Variants in PPA1 observed in about 807,000 individuals in gnomAD.
The protein encoded by PPA1 is inorganic pyrophosphatase.
Under a neutral mutation model 41.8 loss-of-function variants are expected in PPA1, and 23 were observed. That is an observed-to-expected ratio of 0.55 (90% CI 0.40 to 0.78). The LOEUF (loss-of-function observed/expected upper bound fraction) is 0.78. Among genes scored for constraint, PPA1 ranks in the 30% least tolerant of loss-of-function variants. The pLI, the probability that PPA1 is intolerant of heterozygous loss-of-function variation, is 0.00. For missense variants in PPA1, 320 were observed against 361.6 expected (o/e 0.89, Z 0.93); for synonymous variants, 101 against 116.8 (o/e 0.86, Z 0.87).
At chr10:70,222,097 A>AG (rs1452143128) in intron 2 of PPA1, among the ~76,000 whole-genome samples, 1 of 151,978 alleles carries the variant, frequency 6.6e-6, no homozygotes, top group African/African-American at 2.4e-5. Context: ...GCACTTTGGG[A>AG]GGCCGAGGTG....
intron 6 of PPA1, among the ~76,000 whole-genome samples, chr10:70,212,670 G>A (rs1840034104): frequency 6.6e-6 from 1 of 152,198 alleles, no homozygotes; most frequent in Admixed American, 6.5e-5. Flanking sequence ...ACAAAAAGCA[G>A]ATTAGTGGCT....
chr10:70,206,117 C>T (rs1815573623), intron 9 of PPA1, 147 bp downstream of exon 9: 1 of 640,522 alleles, frequency 1.6e-6, no homozygotes, highest in African/African-American at 1.8e-5. Context: ...TGCATGTGTT[C>T]ATGGTTTCTA....
intron 2 of PPA1, among the ~76,000 whole-genome samples, chr10:70,229,840 T>C (rs1840269185): frequency 6.6e-6 from 1 of 152,130 alleles, no homozygotes; most frequent in Non-Finnish European, 1.5e-5. Context: ...TTACTCCTCC[T>C]CTCCTTCCCC....
intron 7 of PPA1, 82 bp from the exon 8 acceptor site, chr10:70,209,372 T>G: frequency 7.5e-7 from 1 of 1,331,498 alleles, no homozygotes; most frequent in Non-Finnish European, 1.0e-6. Flanking sequence ...GCCTGATACT[T>G]TGTCTCTTCT....
chr10:70,211,132 T>C (rs968004908), intron 6 of PPA1, among the ~76,000 whole-genome samples: 23 of 152,220 alleles, frequency 1.5e-4, no homozygotes, highest in Non-Finnish European at 2.8e-4. Flanking sequence ...ACTAAAAGTA[T>C]GGAAACTTTA....
At chr10:70,209,517 T>A in intron 7 of PPA1, 41 bp downstream of exon 7, 2 of 1,558,164 alleles carry the variant, frequency 1.3e-6, no homozygotes, top group South Asian at 2.4e-5. Flanking sequence ...TGAGTCTCAA[T>A]ACAAATGAGC....
rs568161262 is a variant in PPA1 at position 70,224,684 on chromosome 10, C to T, written c.123+5657G>A. On this transcript the variant is annotated intron_variant, in intron 2 of 10. Transcript: ENST00000373232. Reference sequence around the variant, plus strand: ...ATTACAGCACGTCTTTAAATCCTAGCAGTTAAGTTCAATGTGTCTTTATTG... The same window carrying T: ...ATTACAGCACGTCTTTAAATCCTAGTAGTTAAGTTCAATGTGTCTTTATTG... 5.7e-4 allele frequency among the ~76,000 whole-genome samples: 87 copies of T among 152,214 alleles called. 2 individuals carry two copies. Among genetic ancestry groups the T allele is most frequent in the African/African-American group, 1.8e-3 (74 of 41,534 alleles).
At chr10:70,213,253 A>C (rs1840042484) in intron 6 of PPA1, among the ~76,000 whole-genome samples, 1 of 152,206 alleles carries the variant, frequency 6.6e-6, no homozygotes, top group South Asian at 2.1e-4. Flanking sequence ...AACAGTAAGA[A>C]CCTACCAGAT....
At chr10:70,226,673 CTT>C (rs746038689) in intron 2 of PPA1, among the ~76,000 whole-genome samples, 12 of 152,076 alleles carry the variant, frequency 7.9e-5, no homozygotes, top group Non-Finnish European at 1.5e-4. Context: ...ATTTTCCTGT[CTT>C]TACAAAATCA....
At chr10:70,230,617 G>A (rs1014291009) in intron 1 of PPA1, among the ~76,000 whole-genome samples, 1 of 152,056 alleles carries the variant, frequency 6.6e-6, no homozygotes, top group African/African-American at 2.4e-5. Flanking sequence ...ACAGGCATGA[G>A]CCACTACGTC....
chr10:70,211,555 A>G (rs1840019893), intron 6 of PPA1, among the ~76,000 whole-genome samples: 2 of 152,220 alleles, frequency 1.3e-5, no homozygotes, highest in African/African-American at 2.4e-5. Flanking sequence ...CAACTCAGGG[A>G]CAGCAAATGG....
At chr10:70,205,530 T>C (rs1363900586) in intron 9 of PPA1, 2 of 152,082 alleles carry the variant, frequency 1.3e-5, no homozygotes, top group Non-Finnish European at 2.9e-5. Flanking sequence ...CACTGAAAAA[T>C]TATAATAGTT....
At position 70,233,377 on chromosome 10, in the gene PPA1, G is replaced by C; in HGVS notation, c.-50C>G. 1 of 1,526,322 alleles carries C rather than the reference G, an allele frequency of 6.6e-7. No homozygotes were observed. Among genetic ancestry groups the C allele is most frequent in the South Asian group, 1.2e-5 (1 of 82,018 alleles). 94.5% of individuals were successfully genotyped at this position (1,526,322 alleles called of 1,614,324 possible). ...CTGCCACAGAGCCACCAGCCCGCAC[G>C]CGGCGCCGACTGACAAGGAGAGAGC... On this transcript the variant is annotated 5_prime_UTR_variant, in exon 1 of 11. Coordinates refer to ENST00000373232, the MANE Select transcript of PPA1 (RefSeq NM_021129.4).
chr10:70,232,977 A>G (rs1840305164), intron 1 of PPA1, among the ~76,000 whole-genome samples: 1 of 152,128 alleles, frequency 6.6e-6, no homozygotes, highest in Non-Finnish European at 1.5e-5. Flanking sequence ...ACCCTGTCAG[A>G]GCCAGACACC....
chr10:70,224,997 T>C (rs865849409), intron 2 of PPA1, among the ~76,000 whole-genome samples: 39 of 152,286 alleles, frequency 2.6e-4, no homozygotes, highest in South Asian at 6.2e-4. Context: ...CCCCAAAGTG[T>C]TGGGATTACA....
rs987075163 is a variant in PPA1, at chr10:70,203,014, T to C, written c.*141A>G. ...CTTTAGATGGATAACATTCTGAGTATATTGGATTAGTCACAGCAGAATTTA... is the reference window on the plus strand; with the variant it reads ...CTTTAGATGGATAACATTCTGAGTACATTGGATTAGTCACAGCAGAATTTA... On this transcript the variant is annotated 3_prime_UTR_variant, in exon 11 of 11. Coordinates refer to ENST00000373232, the MANE Select transcript of PPA1 (RefSeq NM_021129.4). 9 of 800,784 alleles carry C rather than the reference T, an allele frequency of 1.1e-5. No homozygotes were observed. Among genetic ancestry groups the C allele is most frequent in the African/African-American group, 3.5e-5 (2 of 57,956 alleles). The allele number at this position is 800,784 out of a possible 1,614,324, so 49.6% of individuals were successfully genotyped here. A position where few individuals can be genotyped will look rare whatever the true frequency, so the allele number is the denominator to read the frequency against.
chr10:70,208,075 A>G (rs1839968179), intron 8 of PPA1, among the ~76,000 whole-genome samples: 1 of 152,162 alleles, frequency 6.6e-6, no homozygotes, highest in Non-Finnish European at 1.5e-5. Flanking sequence ...CTGTAATCCC[A>G]GCTACTCAGG....
intron 5 of PPA1, 146 bp from the exon 6 acceptor site, chr10:70,213,735 A>C: frequency 4.3e-6 from 4 of 927,236 alleles, no homozygotes; most frequent in Non-Finnish European, 4.7e-6. Flanking sequence ...TTAAAAACCT[A>C]AATGAGTAAA....
At position 70,226,883 on chromosome 10, in the gene PPA1, A is replaced by G. The variant is rs115648387; in HGVS notation, c.123+3458T>C. 4.7e-3 allele frequency among the ~76,000 whole-genome samples: 715 copies of G among 152,346 alleles called. 6 individuals are homozygous for G. Among genetic ancestry groups the G allele is most frequent in the African/African-American group, 0.016 (685 of 41,580 alleles). The stretch of plus-strand genomic sequence containing the variant: ...AGGGGAAAAAAGAAACACATATTCC[A>G]TATTTATATATGCTTCTATACGCTC... On this transcript the variant is annotated intron_variant, in intron 2 of 10. Transcript: ENST00000373232.
Sources: allele counts gnomAD v4.1 joint callset (sites outside exome capture counted in the v4.1 genomes callset), GRCh38; gene constraint gnomAD v4.1.1; transcripts MANE v1.5; gene names NCBI Gene and HGNC (gene_info 2026-07-23, HGNC 2026-07-21).